ATP5MG: variants seen among roughly 807,000 people sequenced by gnomAD.
The protein encoded by ATP5MG is ATP synthase membrane subunit g.
In ATP5MG, 7 loss-of-function variants were observed where a neutral mutation model predicts 12.7. The ratio of observed to expected loss-of-function variants is 0.55; its 90% CI spans 0.31 to 1.04. ATP5MG has a LOEUF of 1.04. Ranked by LOEUF, ATP5MG falls within the 50% of genes least tolerant of loss-of-function variation. The probability of loss-of-function intolerance (pLI) is 0.05; values close to 1 mark genes in which losing one functional copy is unlikely to be tolerated. For missense variants in ATP5MG, 116 were observed against 126.7 expected (o/e 0.92, Z 0.41); for synonymous variants, 53 against 48.2 (o/e 1.10, Z -0.41).
chr11:118,409,295 T>G lies in ATP5MG; in HGVS notation c.*197T>G. ...TAAACAACCCTAAATACACGTCTGT[T>G]TAGCCCGCAATTGGAAAGGATATAT... On this transcript the variant is annotated 3_prime_UTR_variant, in exon 3 of 3. Coordinates refer to ENST00000300688, the MANE Select transcript of ATP5MG (RefSeq NM_006476.5). The G allele has an allele frequency of 3.3e-6, 1 of 303,450 alleles. No individual in the cohort carries two copies. The allele number at this position is 303,450 out of a possible 1,614,324, so 18.8% of individuals were successfully genotyped here.
chr11:118,405,732 A>G (rs1948966569), intron 1 of ATP5MG: 1 of 983,294 alleles, frequency 1.0e-6, no homozygotes, highest in Non-Finnish European at 1.2e-6. Flanking sequence ...CCCCAAACAC[A>G]GAAGATGAGG....
At chr11:118,408,926 T>C (rs1469125604) in intron 2 of ATP5MG, 74 bp from the exon 3 acceptor site, 14 of 448,238 alleles carry the variant, frequency 3.1e-5, no homozygotes, top group Non-Finnish European at 4.7e-5. Flanking sequence ...AAAGAATAGT[T>C]TCAAATATAT....
intron 1 of ATP5MG, among the ~76,000 whole-genome samples, chr11:118,402,897 C>T (rs137980798): frequency 0.011 from 1,600 of 151,982 alleles, 31 homozygotes; most frequent in African/African-American, 0.037. Flanking sequence ...CGGGATTTCA[C>T]CATGTTGCCC....
In ATP5MG at chr11:118,408,568, A is replaced by C. The variant is rs560059774; in HGVS notation, c.214-432A>C. ...AATGAGGTCTAAAGGGGAAGACAGC[A>C]CTTCATCTTTCAGCAGATTTTCTTT... is the stretch of plus-strand genomic sequence containing the variant. On this transcript the variant is annotated intron_variant, in intron 2 of 2. Coordinates refer to ENST00000300688, the MANE Select transcript of ATP5MG (RefSeq NM_006476.5). Among the ~76,000 whole-genome samples the C allele has an allele frequency of 9.6e-4, 146 of 152,318 alleles. 3 individuals carry two copies. In the South Asian group the frequency reaches 0.028, roughly 29 times the overall value.
chr11:118,406,735 T>C, intron 1 of ATP5MG: 1 of 687,566 alleles, frequency 1.5e-6, no homozygotes, highest in African/African-American at 1.8e-5. Flanking sequence ...TGAACATCCC[T>C]GTGGCACAGG....
chr11:118,407,309 A>G (rs1379589016), intron 2 of ATP5MG: 7 of 747,388 alleles, frequency 9.4e-6, no homozygotes, highest in East Asian at 3.2e-5. Context: ...TAGTTTCCTA[A>G]GAGTCTTAAA....
chr11:118,406,995 G>T lies in ATP5MG; in HGVS notation c.111G>T (p.Glu37Asp). Residue 37 changes from glutamate to aspartate, a missense_variant, in exon 2 of 3, where the codon GAG (glutamate) becomes GAT (aspartate). By Grantham distance (45) the Glu-to-Asp change is conservative (BLOSUM62 2). Coordinates refer to ENST00000300688, the MANE Select transcript of ATP5MG (RefSeq NM_006476.5). ...CATTTTGGTACTACGCCAAGGTTGA[G>T]CTGGTTCCTCCCACCCCTGCTGAGA... ...LATFWYYAKV[E>D]LVPPTPAEIP... The T allele has an allele frequency of 6.2e-7, 1 of 1,614,032 alleles. No individual in the cohort carries two copies. Among genetic ancestry groups the T allele is most frequent in the East Asian group, 2.2e-5 (1 of 44,876 alleles).
At chr11:118,407,355 T>A in intron 2 of ATP5MG, 1 of 450,812 alleles carries the variant, frequency 2.2e-6, no homozygotes. Context: ...TTGGGAAATT[T>A]TTTTTCCTTT....
chr11:118,405,604 AATTG>A, intron 1 of ATP5MG: 1 of 946,190 alleles, frequency 1.1e-6, no homozygotes, highest in Non-Finnish European at 1.3e-6. Flanking sequence ...TAATATTGAC[AATTG>A]ATTGACTTAT....
rs1948973005 is a variant in ATP5MG, at chr11:118,406,535, CCT to C, written c.53-399_53-398del. 7 of 201,650 alleles carry C rather than the reference CCT, an allele frequency of 3.5e-5. No individual in the cohort carries two copies. The South Asian group carries it at 6.1e-4, about 18-fold the overall frequency. The allele number at this position is 201,650 out of a possible 1,614,324, so 12.5% of individuals were successfully genotyped here. A position where few individuals can be genotyped will look rare whatever the true frequency, so the allele number is the denominator to read the frequency against. ...TCTAAATCCTTCATCCCTTTCTTCACCTCTTTCTTCAAATTTGCTGGTCTCTC... is the reference window on the plus strand; with the variant it reads ...TCTAAATCCTTCATCCCTTTCTTCACCTTTCTTCAAATTTGCTGGTCTCTC... On this transcript the variant is annotated intron_variant, in intron 1 of 2. Transcript: ENST00000300688.
chr11:118,401,959 A>G lies in ATP5MG; in HGVS notation c.52+242A>G, dbSNP rs561274705. ...TCCTGAATTCTAACCACGACTGGGAAGAGAGGTAGTGTGAAGGAAGCCCGG... is the reference window on the plus strand; with the variant it reads ...TCCTGAATTCTAACCACGACTGGGAGGAGAGGTAGTGTGAAGGAAGCCCGG... On this transcript the variant is annotated intron_variant, in intron 1 of 2. Coordinates refer to ENST00000300688, the MANE Select transcript of ATP5MG (RefSeq NM_006476.5). 7 of 496,378 alleles carry G rather than the reference A, an allele frequency of 1.4e-5. No homozygotes were observed. In the South Asian group the frequency reaches 2.2e-4, roughly 15 times the overall value. The allele number at this position is 496,378 out of a possible 1,614,324, so 30.7% of individuals were successfully genotyped here.
chr11:118,406,963 T>G lies in ATP5MG; in HGVS notation c.79T>G (p.Leu27Val). ...TGCTGTGACTTACTCGAAGCCTCGA[T>G]TGGCCACATTTTGGTACTACGCCAA... Reference protein sequence around the residue: ...NAAVTYSKPRLATFWYYAKVE... With the variant: ...NAAVTYSKPRVATFWYYAKVE... Residue 27 changes from leucine to valine, a missense_variant, in exon 2 of 3, where the codon TTG becomes GTG. Transcript: ENST00000300688. The G allele has an allele frequency of 6.2e-7, 1 of 1,612,842 alleles. No homozygotes were observed. Among genetic ancestry groups the G allele is most frequent in the Non-Finnish European group, 8.5e-7 (1 of 1,179,356 alleles).
rs181465227 is a variant in ATP5MG, at chr11:118,407,027, G to C, written c.143G>C (p.Arg48Thr). Residue 48 changes from arginine (R) to threonine (T), a missense_variant, in exon 2 of 3, where the codon AGA (arginine) becomes ACA (threonine). By Grantham distance (71) the Arg-to-Thr change is moderately conservative (BLOSUM62 -1). Coordinates refer to ENST00000300688, the MANE Select transcript of ATP5MG (RefSeq NM_006476.5). ...LVPPTPAEIP[R>T]AIQSLKKIVN... ...CCTCCCACCCCTGCTGAGATCCCTA[G>C]AGCTATTCAGAGCCTGAAAAAAATA... 7.1e-5 allele frequency: 114 copies of C among 1,614,014 alleles called. No individual in the cohort carries two copies. The East Asian group carries it at 1.1e-3, about 16-fold the overall frequency.
At chr11:118,406,862 A>C in intron 1 of ATP5MG, 75 bp from the exon 2 acceptor site, 2 of 1,528,814 alleles carry the variant, frequency 1.3e-6, no homozygotes, top group Non-Finnish European at 1.8e-6. Context: ...ATTTGTGTCC[A>C]GCCCACACAT....
chr11:118,405,163 C>G (rs1244352823), intron 1 of ATP5MG, among the ~76,000 whole-genome samples: 8 of 152,170 alleles, frequency 5.3e-5, no homozygotes, highest in African/African-American at 1.9e-4. Flanking sequence ...ATGTTCCTTG[C>G]TACCAGAATA....
chr11:118,401,739 C>G (rs189530708), intron 1 of ATP5MG, 22 bp downstream of exon 1: 25,683 of 1,606,772 alleles, frequency 0.016, 283 homozygotes, highest in Non-Finnish European at 0.019. Context: ...GTGAGACCGC[C>G]GAGGCGGGCA....
Position 118,408,990 on chromosome 11 carries a change from C to CT in ATP5MG, c.214-4dup. ...AAAAGGTACCTTAAAATGTATGCTT[C>CT]TTTTTTCAGGAAGCTGTGCTGAATG... is the stretch of plus-strand genomic sequence containing the variant. On this transcript the variant is annotated splice_polypyrimidine_tract_variant and intron_variant, in intron 2 of 2. Coordinates refer to ENST00000300688, the MANE Select transcript of ATP5MG (RefSeq NM_006476.5). The CT allele has an allele frequency of 1.3e-6, 2 of 1,532,918 alleles. No individual in the cohort carries two copies. The highest frequency in any genetic ancestry group is 1.8e-6 in the Non-Finnish European group (2 of 1,131,390). 95.0% of individuals were successfully genotyped at this position (1,532,918 alleles called of 1,614,324 possible).
intron 1 of ATP5MG, among the ~76,000 whole-genome samples, chr11:118,402,631 G>C (rs1235261066): frequency 6.6e-6 from 1 of 151,088 alleles, no homozygotes; most frequent in Non-Finnish European, 1.5e-5. Context: ...CAAAAAAAAT[G>C]TAATACTTTC....
chr11:118,402,011 G>A, intron 1 of ATP5MG: 1 of 409,108 alleles, frequency 2.4e-6, no homozygotes, highest in Non-Finnish European at 4.4e-6. Flanking sequence ...CAACCATTAC[G>A]CCCCCTGAGA....
Sources: allele counts gnomAD v4.1 joint callset (sites outside exome capture counted in the v4.1 genomes callset), GRCh38; gene constraint gnomAD v4.1.1; transcripts MANE v1.5; gene names NCBI Gene and HGNC (gene_info 2026-07-23, HGNC 2026-07-21).